The following SGCZ variants were observed in gnomAD, a reference collection of about 807,000 sequenced individuals.
The protein encoded by SGCZ is zeta-sarcoglycan.
In SGCZ, 40 loss-of-function variants were observed where a neutral mutation model predicts 41.3. That is an observed-to-expected ratio of 0.97 (90% confidence interval 0.75 to 1.26). The LOEUF (loss-of-function observed/expected upper bound fraction) is 1.26, where lower values mean the gene tolerates loss of function less well. Ranked by LOEUF, SGCZ falls within the 50% of genes most tolerant of loss-of-function variation. The pLI is 0.00. For missense variants in SGCZ, 552 were observed against 369.8 expected (o/e 1.49, Z -4.04); for synonymous variants, 206 against 137.5 (o/e 1.50, Z -3.49).
At chr8:14,756,962 T>G (rs1382235674) in intron 1 of SGCZ, among the ~76,000 whole-genome samples, 1 of 152,254 alleles carries the variant, frequency 6.6e-6, no homozygotes, top group Non-Finnish European at 1.5e-5. Flanking sequence ...TTGCTTTGTT[T>G]GTTTGAGATC....
chr8:14,903,732 G>A (rs1291711286), intron 1 of SGCZ, among the ~76,000 whole-genome samples: 1 of 151,992 alleles, frequency 6.6e-6, no homozygotes, highest in African/African-American at 2.4e-5. Context: ...AGTGTATAGG[G>A]ACAGTCAGAG....
chr8:14,168,860 G>A (rs1804289181), intron 4 of SGCZ, among the ~76,000 whole-genome samples: 1 of 152,118 alleles, frequency 6.6e-6, no homozygotes, highest in South Asian at 2.1e-4. Flanking sequence ...AAAACTTCAA[G>A]TTAACCATTT....
chr8:15,021,270 G>T (rs979767533), intron 1 of SGCZ, among the ~76,000 whole-genome samples: 7 of 152,138 alleles, frequency 4.6e-5, no homozygotes, highest in Non-Finnish European at 8.8e-5. Flanking sequence ...AAATTAATTT[G>T]ATTATATCTG....
intron 2 of SGCZ, among the ~76,000 whole-genome samples, chr8:14,327,495 G>T (rs1210837618): frequency 6.6e-6 from 1 of 152,146 alleles, no homozygotes; most frequent in East Asian, 1.9e-4. Flanking sequence ...ATTTCACTGG[G>T]AGACTATTTC....
intron 2 of SGCZ, among the ~76,000 whole-genome samples, chr8:14,413,466 G>A (rs188282216): frequency 2.4e-4 from 37 of 151,782 alleles, no homozygotes; most frequent in African/African-American, 6.5e-4. Context: ...GATTTCTGTC[G>A]TAAGTGGATT....
At chr8:15,030,860 G>T (rs1031566953) in intron 1 of SGCZ, among the ~76,000 whole-genome samples, 5 of 152,276 alleles carry the variant, frequency 3.3e-5, no homozygotes, top group South Asian at 2.1e-4. Flanking sequence ...AAGCTAAAGA[G>T]AGTTAGAGTT....
At position 14,478,173 on chromosome 8, in the gene SGCZ, C is replaced by T. The variant is rs571553671; in HGVS notation, c.234+76559G>A. ...ACTAAGCATAATCTTATCATATAATCTAGCAATCATGCCCCTTGGCATATA... is the reference window on the plus strand; with the variant it reads ...ACTAAGCATAATCTTATCATATAATTTAGCAATCATGCCCCTTGGCATATA... On this transcript the variant is annotated intron_variant, in intron 2 of 7. Transcript: ENST00000382080. 4.6e-5 allele frequency among the ~76,000 whole-genome samples: 7 copies of T among 152,336 alleles called. No individual in the cohort carries two copies. The South Asian group carries it at 1.4e-3, about 32-fold the overall frequency.
chr8:14,375,804 A>G (rs1233902262), intron 2 of SGCZ, among the ~76,000 whole-genome samples: 5 of 152,218 alleles, frequency 3.3e-5, no homozygotes, highest in African/African-American at 1.2e-4. Context: ...TTCCCAAATT[A>G]AAATCAGAAG....
At chr8:14,480,241 G>C (rs1801498427) in intron 2 of SGCZ, among the ~76,000 whole-genome samples, 1 of 152,136 alleles carries the variant, frequency 6.6e-6, no homozygotes, top group Admixed American at 6.5e-5. Context: ...ACAATGCCAA[G>C]TGTAATATAT....
intron 4 of SGCZ, among the ~76,000 whole-genome samples, chr8:14,236,285 T>C (rs996997218): frequency 1.4e-4 from 21 of 152,224 alleles, no homozygotes; most frequent in African/African-American, 4.6e-4. Flanking sequence ...ATAACTGCTA[T>C]ATCTCTAATT....
chr8:14,783,928 AGTTTTTG>A (rs1800669464), intron 1 of SGCZ, among the ~76,000 whole-genome samples: 1 of 152,216 alleles, frequency 6.6e-6, no homozygotes, highest in Admixed American at 6.5e-5. Context: ...AATAAATTGA[AGTTTTTG>A]AAGAATCATT....
At chr8:14,851,384 A>AG (rs1045464177) in intron 1 of SGCZ, among the ~76,000 whole-genome samples, 14 of 142,830 alleles carry the variant, frequency 9.8e-5, no homozygotes, top group East Asian at 5.9e-4. Flanking sequence ...AAAAAAAAAA[A>AG]AAAAAAGAAA....
chr8:15,138,319 T>G (rs1198125046), intron 1 of SGCZ, among the ~76,000 whole-genome samples: 2 of 152,090 alleles, frequency 1.3e-5, no homozygotes, highest in Admixed American at 1.3e-4. Context: ...CAGATAAGAC[T>G]TTGGAGTTGG....
At chr8:15,202,535 A>T (rs1406476774) in intron 1 of SGCZ, among the ~76,000 whole-genome samples, 1 of 152,120 alleles carries the variant, frequency 6.6e-6, no homozygotes, top group Non-Finnish European at 1.5e-5. Context: ...AAAAGACTAC[A>T]CATTGGGTAC....
At chr8:14,517,472 G>A (rs1023377910) in intron 2 of SGCZ, among the ~76,000 whole-genome samples, 5 of 151,988 alleles carry the variant, frequency 3.3e-5, no homozygotes, top group East Asian at 3.9e-4. Context: ...CCATTTGATC[G>A]TAAGGTAGAG....
chr8:15,204,813 T>C (rs1481685592), intron 1 of SGCZ, among the ~76,000 whole-genome samples: 1 of 152,196 alleles, frequency 6.6e-6, no homozygotes, highest in Non-Finnish European at 1.5e-5. Flanking sequence ...AGCATTTAAT[T>C]GTTTAACTAC....
chr8:14,266,910 A>C (rs1039060680), intron 3 of SGCZ, among the ~76,000 whole-genome samples: 2 of 152,208 alleles, frequency 1.3e-5, no homozygotes, highest in African/African-American at 4.8e-5. Context: ...TTGCAAGACA[A>C]AATATGAAGA....
At chr8:14,519,488 G>C (rs1236773655) in intron 2 of SGCZ, among the ~76,000 whole-genome samples, 1 of 152,024 alleles carries the variant, frequency 6.6e-6, no homozygotes, top group Non-Finnish European at 1.5e-5. Context: ...TGAACATCAA[G>C]AGAAAAGATA....
chr8:15,130,994 G>A (rs187652769), intron 1 of SGCZ, among the ~76,000 whole-genome samples: 5 of 152,262 alleles, frequency 3.3e-5, no homozygotes, highest in African/African-American at 1.2e-4. Flanking sequence ...TCAGCAGCCT[G>A]TAGTTTCAAA....
Sources: allele counts gnomAD v4.1 joint callset (sites outside exome capture counted in the v4.1 genomes callset), GRCh38; gene constraint gnomAD v4.1.1; transcripts MANE v1.5; gene names NCBI Gene and HGNC (gene_info 2026-07-23, HGNC 2026-07-21).